The following FZD3 variants were observed in gnomAD, a reference collection of about 807,000 sequenced individuals.
FZD3 encodes the protein frizzled-3.
FZD3 carries 30 observed loss-of-function variants against 60.7 expected under a neutral mutation model. The ratio of observed to expected loss-of-function variants is 0.49; its 90% CI spans 0.37 to 0.67. The LOEUF is 0.67. Ranked by LOEUF, FZD3 falls within the 30% of genes least tolerant of loss-of-function variation. The probability of loss-of-function intolerance (pLI) is 0.00; values close to 1 mark genes in which losing one functional copy is unlikely to be tolerated. For missense variants in FZD3, 605 were observed against 838.7 expected, an observed-to-expected ratio of 0.72 and a Z score of 3.44; for synonymous variants, 246 against 275.2, an observed-to-expected ratio of 0.89 and a Z score of 1.05.
chr8:28,538,347 T>C (rs1202652390), intron 5 of FZD3, among the ~76,000 whole-genome samples: 1 of 152,128 alleles, frequency 6.6e-6, no homozygotes, highest in Non-Finnish European at 1.5e-5. Flanking sequence ...CATAGTTGCT[T>C]CTAGTTTTTT....
At chr8:28,525,394 A>G (rs1804691177) in intron 4 of FZD3, among the ~76,000 whole-genome samples, 1 of 152,182 alleles carries the variant, frequency 6.6e-6, no homozygotes, top group Non-Finnish European at 1.5e-5. Flanking sequence ...GAGTCTTTGG[A>G]GAAGGCCTTA....
chr8:28,508,195 C>T (rs1000812095), intron 3 of FZD3, among the ~76,000 whole-genome samples: 13 of 152,038 alleles, frequency 8.6e-5, no homozygotes, highest in Non-Finnish European at 1.9e-4. Flanking sequence ...GCGCCTGGCC[C>T]TCTTTAGTGT....
chr8:28,510,103 G>GTTTTTT (rs1277200652), intron 3 of FZD3, among the ~76,000 whole-genome samples: 1 of 92,640 alleles, frequency 1.1e-5, no homozygotes, highest in African/African-American at 3.8e-5. Flanking sequence ...GGTATTTTCT[G>GTTTTTT]TTTTTTTTGT....
chr8:28,524,776 C>T (rs1370409930), intron 4 of FZD3, among the ~76,000 whole-genome samples: 1 of 152,122 alleles, frequency 6.6e-6, no homozygotes, highest in African/African-American at 2.4e-5. Context: ...AGCTCAAAAC[C>T]TGCATATATC....
At chr8:28,557,562 GTCTT>G (rs767270056) in intron 7 of FZD3, among the ~76,000 whole-genome samples, 1 of 152,158 alleles carries the variant, frequency 6.6e-6, no homozygotes, top group Non-Finnish European at 1.5e-5. Flanking sequence ...AAGAGCAGCA[GTCTT>G]TCTTTGTGCT....
chr8:28,520,806 C>T lies in FZD3; in HGVS notation c.358C>T (p.Pro120Ser), dbSNP rs199631551. 7.8e-4 allele frequency: 1,250 copies of T among 1,603,736 alleles called. 4 individuals carry two copies. Among genetic ancestry groups the T allele is most frequent in the South Asian group, 1.4e-3 (127 of 88,478 alleles). ...GAAGCTCATGGAGATGTTTGGTGTT[C>T]CTTGGCCTGAAGATATGGAATGCAG... ...CSKLMEMFGV[P>S]WPEDMECSRF... Residue 120 changes from proline (P) to serine (S), a missense_variant, in exon 4 of 8, where the codon CCT (proline) becomes TCT (serine). Transcript: ENST00000240093.
At chr8:28,507,233 A>G (rs979576921) in intron 3 of FZD3, among the ~76,000 whole-genome samples, 13 of 152,022 alleles carry the variant, frequency 8.6e-5, no homozygotes, top group Non-Finnish European at 1.5e-4. Flanking sequence ...GTTTTAATTT[A>G]TAGGTTTTCC....
At chr8:28,508,648 A>T (rs187593892) in intron 3 of FZD3, among the ~76,000 whole-genome samples, 216 of 151,826 alleles carry the variant, frequency 1.4e-3, no homozygotes, top group Non-Finnish European at 1.9e-3. Context: ...CTACAGGTGT[A>T]TGCCACCATG....
intron 7 of FZD3, among the ~76,000 whole-genome samples, chr8:28,559,736 C>G (rs1805581010): frequency 6.6e-6 from 1 of 152,166 alleles, no homozygotes. Flanking sequence ...ATTTGAAAAG[C>G]CATCTCATGG....
chr8:28,558,907 G>A (rs1465293713), intron 7 of FZD3, among the ~76,000 whole-genome samples: 11 of 152,102 alleles, frequency 7.2e-5, no homozygotes. Context: ...TGTAATTTAT[G>A]CATTCTAGGA....
chr8:28,550,484 T>C (rs1292649398), intron 5 of FZD3, among the ~76,000 whole-genome samples: 3 of 41,584 alleles, frequency 7.2e-5, no homozygotes, highest in Non-Finnish European at 1.6e-4. Flanking sequence ...CTTTTATCTT[T>C]TTTTTTTTTT....
chr8:28,525,290 A>G (rs550032663), intron 4 of FZD3, among the ~76,000 whole-genome samples: 19 of 152,350 alleles, frequency 1.2e-4, no homozygotes, highest in African/African-American at 4.6e-4. Flanking sequence ...GTAAATAAAT[A>G]GACAATGTCA....
At chr8:28,507,468 A>T (rs1007297823) in intron 3 of FZD3, among the ~76,000 whole-genome samples, 1 of 152,288 alleles carries the variant, frequency 6.6e-6, no homozygotes. Context: ...GGAGCACATA[A>T]TATTAAGTTG....
At chr8:28,512,878 A>G (rs115046544) in intron 3 of FZD3, among the ~76,000 whole-genome samples, 2,830 of 152,272 alleles carry the variant, frequency 0.019, 79 homozygotes, top group African/African-American at 0.064. Flanking sequence ...CCATATAACA[A>G]TAATTATTAA....
At position 28,522,923 on chromosome 8, in the gene FZD3, C is replaced by T. The variant is rs183320146; in HGVS notation, c.386+2089C>T. The stretch of plus-strand genomic sequence containing the variant: ...TAGCTGGGCTTACAGGTGCCCACCA[C>T]CACATCCAGCTAATTTTTGCATTTT... On this transcript the variant is annotated intron_variant, in intron 4 of 7. Transcript: ENST00000240093. 5.0e-3 allele frequency among the ~76,000 whole-genome samples: 755 copies of T among 152,096 alleles called. 8 individuals are homozygous for T. Among genetic ancestry groups the T allele is most frequent in the South Asian group, 7.5e-3 (36 of 4,822 alleles).
chr8:28,519,377 A>G (rs550105831), intron 3 of FZD3, among the ~76,000 whole-genome samples: 1 of 152,210 alleles, frequency 6.6e-6, no homozygotes, highest in Non-Finnish European at 1.5e-5. Context: ...TTTTCCCTTA[A>G]TATTAGCTTA....
intron 3 of FZD3, among the ~76,000 whole-genome samples, chr8:28,505,709 G>T (rs1340692058): frequency 1.3e-5 from 2 of 152,212 alleles, no homozygotes. Context: ...ACAATGGTAT[G>T]TGGGCAGTAA....
chr8:28,549,365 TTTTC>T (rs1251986101), intron 5 of FZD3, among the ~76,000 whole-genome samples: 2 of 152,206 alleles, frequency 1.3e-5, no homozygotes, highest in African/African-American at 4.8e-5. Flanking sequence ...AAATGAAGAA[TTTTC>T]TTTCTTATAT....
At chr8:28,512,803 A>G (rs1056012198) in intron 3 of FZD3, among the ~76,000 whole-genome samples, 1 of 152,132 alleles carries the variant, frequency 6.6e-6, no homozygotes, top group Non-Finnish European at 1.5e-5. Context: ...TGGTATTTAA[A>G]TGAACTTTGA....
Sources: allele counts gnomAD v4.1 joint callset (sites outside exome capture counted in the v4.1 genomes callset), GRCh38; gene constraint gnomAD v4.1.1; transcripts MANE v1.5; gene names NCBI Gene and HGNC (gene_info 2026-07-23, HGNC 2026-07-21).